Variants in KANSL3 observed in about 807,000 individuals in gnomAD.
KANSL3 encodes NSL complex protein NSL3.
In KANSL3, 16 loss-of-function variants were observed where a neutral mutation model predicts 89.2. That is an observed-to-expected ratio of 0.18 (90% CI 0.12 to 0.27). The LOEUF is 0.27. Among genes scored for constraint, KANSL3 ranks in the 10% least tolerant of loss-of-function variants. The pLI, the probability that KANSL3 is intolerant of heterozygous loss-of-function variation, is 1.00. For synonymous variants in KANSL3, 385 were observed against 419.7 expected (o/e 0.92, Z 1.01); for missense variants, 879 against 1,110.6 (o/e 0.79, Z 2.96).
At chr2:96,619,821 A>C (rs2105820846) in intron 3 of KANSL3, 59 bp from the exon 4 acceptor site, 1 of 1,276,366 alleles carries the variant, frequency 7.8e-7, no homozygotes, top group South Asian at 1.3e-5. Flanking sequence ...CCATGTATGT[A>C]CACCATATAA....
At chr2:96,591,834 C>G (rs566911920), downstream of KANSL3, among the ~76,000 whole-genome samples, 67 of 148,420 alleles carry the variant, frequency 4.5e-4, no homozygotes, top group Non-Finnish European at 7.5e-4. Flanking sequence ...CCGGCAAGTC[C>G]AAGCCACTTG....
chr2:96,613,674 C>A lies in KANSL3; in HGVS notation c.664-55G>T. The A allele has an allele frequency of 3.2e-6, 5 of 1,556,676 alleles. No individual in the cohort carries two copies. The South Asian group carries it at 5.6e-5, about 18-fold the overall frequency. ...CAGTGTAAAGCAGGAGACCTTCCAC[C>A]ACCAGCAATCAAGCAGAAGAACAGA... On this transcript the variant is annotated intron_variant, in intron 5 of 20. Coordinates refer to ENST00000431828, the MANE Select transcript of KANSL3 (RefSeq NM_001115016.3).
At chr2:96,631,138 A>G (rs928367308) in intron 3 of KANSL3, among the ~76,000 whole-genome samples, 174 bp downstream of exon 3, 1 of 152,142 alleles carries the variant, frequency 6.6e-6, no homozygotes, top group Non-Finnish European at 1.5e-5. Context: ...TGTAAGCCCT[A>G]CTCTCAAGGA....
At chr2:96,586,675 G>A in the KANSL3 span, among the ~76,000 whole-genome samples, 40 of 152,270 alleles carry the variant, frequency 2.6e-4, no homozygotes, top group African/African-American at 7.7e-4. Context: ...GACTGCAGTC[G>A]CTATCCACAG....
intron 3 of KANSL3, among the ~76,000 whole-genome samples, chr2:96,627,376 G>A (rs968751518): frequency 2.6e-5 from 4 of 152,058 alleles, no homozygotes; most frequent in Non-Finnish European, 5.9e-5. Context: ...CACCACACCA[G>A]CTAATTTTTA....
chr2:96,628,000 T>A (rs1166614549), intron 3 of KANSL3: 1 of 1,290,060 alleles, frequency 7.8e-7, no homozygotes, highest in South Asian at 1.2e-5. Flanking sequence ...AAACAAATAA[T>A]CTGATAAATT....
chr2:96,603,455 T>C (rs2067487418), intron 17 of KANSL3: 1 of 152,534 alleles, frequency 6.6e-6, no homozygotes, highest in South Asian at 2.1e-4. Flanking sequence ...GCTAATTTTT[T>C]GTATTTTTAG....
At chr2:96,602,644 G>GT in intron 18 of KANSL3, 109 bp downstream of exon 18, 1 of 849,010 alleles carries the variant, frequency 1.2e-6, no homozygotes, top group East Asian at 2.5e-5. Flanking sequence ...CTAGAAGGCT[G>GT]TTTGTCCTTG....
chr2:96,592,827 C>A (rs2104776350), downstream of KANSL3, among the ~76,000 whole-genome samples: 1 of 152,192 alleles, frequency 6.6e-6, no homozygotes, highest in South Asian at 2.1e-4. Context: ...CATAGTGGAA[C>A]CCTGTCTCTA....
chr2:96,631,793 T>C (rs1050909324), intron 2 of KANSL3, among the ~76,000 whole-genome samples: 7 of 152,040 alleles, frequency 4.6e-5, no homozygotes, highest in Non-Finnish European at 8.8e-5. Context: ...ACACCTGTAA[T>C]ACCACCACTT....
At chr2:96,624,203 C>T (rs2071863909) in intron 3 of KANSL3, among the ~76,000 whole-genome samples, 1 of 152,188 alleles carries the variant, frequency 6.6e-6, no homozygotes, top group Admixed American at 6.5e-5. Flanking sequence ...GTTCATTATC[C>T]TGTTTTCTGT....
intron 14 of KANSL3, 77 bp from the exon 15 acceptor site, chr2:96,605,588 C>A (rs1451862614): frequency 2.5e-6 from 3 of 1,191,564 alleles, no homozygotes; most frequent in Non-Finnish European, 3.7e-6. Context: ...CCAGCACCAA[C>A]ACAGCCATGT....
At chr2:96,600,414 G>A in intron 20 of KANSL3, 1 of 968,492 alleles carries the variant, frequency 1.0e-6, no homozygotes, top group Non-Finnish European at 1.2e-6. Flanking sequence ...TAAGAAATAA[G>A]ATAAAATTAA....
intron 11 of KANSL3, among the ~76,000 whole-genome samples, chr2:96,609,970 A>AGC (rs1338620825): frequency 4.0e-5 from 6 of 149,792 alleles, no homozygotes; most frequent in Non-Finnish European, 8.9e-5. Flanking sequence ...AAAAAAAAAA[A>AGC]AAAAAAAAAA....
At chr2:96,627,917 C>A (rs1243781926) in intron 3 of KANSL3, 1 of 1,289,734 alleles carries the variant, frequency 7.8e-7, no homozygotes, top group Non-Finnish European at 1.0e-6. Flanking sequence ...ACAAAAGTTA[C>A]CTACCAAAAG....
chr2:96,624,823 C>T (rs1029341053), intron 3 of KANSL3, among the ~76,000 whole-genome samples: 3 of 152,044 alleles, frequency 2.0e-5, no homozygotes, highest in Non-Finnish European at 2.9e-5. Context: ...ATGCCCAGCC[C>T]TATCTATCTA....
intron 20 of KANSL3, among the ~76,000 whole-genome samples, chr2:96,597,017 A>G (rs1206897482): frequency 6.6e-6 from 1 of 152,280 alleles, no homozygotes; most frequent in Non-Finnish European, 1.5e-5. Flanking sequence ...AACACCAATC[A>G]GTGCCAGAAA....
intron 5 of KANSL3, 90 bp downstream of exon 5, chr2:96,619,269 C>G: frequency 7.9e-7 from 1 of 1,261,212 alleles, no homozygotes; most frequent in East Asian, 2.6e-5. Context: ...CCAGACCGAC[C>G]AGATAATTAC....
chr2:96,584,318 C>A, the KANSL3 span, among the ~76,000 whole-genome samples: 1 of 152,096 alleles, frequency 6.6e-6, no homozygotes, highest in Non-Finnish European at 1.5e-5. Flanking sequence ...ACTCGGCCAG[C>A]TTTTATTATT....
Sources: allele counts gnomAD v4.1 joint callset (sites outside exome capture counted in the v4.1 genomes callset), GRCh38; gene constraint gnomAD v4.1.1; transcripts MANE v1.5; gene names NCBI Gene and HGNC (gene_info 2026-07-23, HGNC 2026-07-21).